SND1: variants seen among roughly 807,000 people sequenced by gnomAD.
SND1 encodes staphylococcal nuclease domain-containing protein 1.
A neutral mutation model predicts 121.7 loss-of-function variants in SND1; 38 were observed. The observed-to-expected ratio is 0.31, with a 90% CI of 0.24 to 0.41. The LOEUF (loss-of-function observed/expected upper bound fraction) is 0.41. SND1 is among the 10% of genes least tolerant of loss of function. SND1 has a pLI of 1.00. For synonymous variants in SND1, 401 were observed against 447.4 expected (o/e 0.90, Z 1.31); for missense variants, 868 against 1,184.6 (o/e 0.73, Z 3.92).
intron 12 of SND1, among the ~76,000 whole-genome samples, chr7:127,875,609 G>GCT (rs777979957): frequency 2.0e-5 from 3 of 152,124 alleles, no homozygotes; most frequent in Non-Finnish European, 4.4e-5. Flanking sequence ...TCTAATCATG[G>GCT]CTCTGCCACT....
At chr7:128,025,066 G>GC (rs1803443551) in intron 16 of SND1, among the ~76,000 whole-genome samples, 1 of 152,172 alleles carries the variant, frequency 6.6e-6, no homozygotes, top group South Asian at 2.1e-4. Context: ...GTTTCTGTCT[G>GC]CCATTGGGCC....
At chr7:128,031,267 G>C (rs956794597) in intron 16 of SND1, among the ~76,000 whole-genome samples, 3 of 152,028 alleles carry the variant, frequency 2.0e-5, no homozygotes, top group Admixed American at 6.5e-5. Context: ...TCCAGCCGCG[G>C]GGGAAGGCGC....
At chr7:127,738,828 T>A (rs1796826239) in intron 10 of SND1, among the ~76,000 whole-genome samples, 1 of 152,116 alleles carries the variant, frequency 6.6e-6, no homozygotes, top group Admixed American at 6.6e-5. Flanking sequence ...GGTCACCCTG[T>A]ATGACCCTCC....
At chr7:127,854,585 G>T (rs954239167) in intron 12 of SND1, among the ~76,000 whole-genome samples, 2 of 133,948 alleles carry the variant, frequency 1.5e-5, no homozygotes, top group Non-Finnish European at 3.2e-5. Flanking sequence ...TATTTATTTA[G>T]AATAGTGCCA....
At chr7:127,723,482 A>T (rs1009278067) in intron 10 of SND1, among the ~76,000 whole-genome samples, 1 of 152,140 alleles carries the variant, frequency 6.6e-6, no homozygotes, top group Non-Finnish European at 1.5e-5. Flanking sequence ...TCTACAACAT[A>T]TGGCTTGTGA....
chr7:128,030,136 G>A (rs777776963), intron 16 of SND1: 6 of 1,614,194 alleles, frequency 3.7e-6, no homozygotes, highest in Non-Finnish European at 5.1e-6. Context: ...GAGGGCACCC[G>A]GTTGAAGGCG....
At chr7:128,071,440 T>C (rs1793407785) in intron 16 of SND1, among the ~76,000 whole-genome samples, 1 of 152,246 alleles carries the variant, frequency 6.6e-6, no homozygotes, top group South Asian at 2.1e-4. Context: ...TCTCTGTGTC[T>C]ATCTTTTAAT....
intron 12 of SND1, among the ~76,000 whole-genome samples, chr7:127,852,456 C>T (rs1243504287): frequency 6.7e-6 from 1 of 149,514 alleles, no homozygotes; most frequent in Non-Finnish European, 1.5e-5. Context: ...CCACTGTACT[C>T]CATCCAGCCT....
chr7:127,710,842 C>T (rs181469769), intron 9 of SND1, among the ~76,000 whole-genome samples: 1 of 152,192 alleles, frequency 6.6e-6, no homozygotes, highest in Non-Finnish European at 1.5e-5. Flanking sequence ...AGTGCTCTTA[C>T]CCAGTTCTTC....
chr7:127,721,565 T>C (rs1012713881), intron 10 of SND1, among the ~76,000 whole-genome samples, 165 bp downstream of exon 10: 1 of 152,244 alleles, frequency 6.6e-6, no homozygotes, highest in African/African-American at 2.4e-5. Context: ...CTGACTACTA[T>C]TGGGCAGGTC....
At chr7:127,912,195 G>T (rs1054377481) in intron 14 of SND1, among the ~76,000 whole-genome samples, 4 of 152,096 alleles carry the variant, frequency 2.6e-5, no homozygotes. Context: ...ATTCAAATTT[G>T]CCAGAACTAC....
intron 17 of SND1, among the ~76,000 whole-genome samples, chr7:128,080,216 C>T (rs1369954088): frequency 6.6e-6 from 1 of 152,244 alleles, no homozygotes; most frequent in East Asian, 1.9e-4. Flanking sequence ...TGCACTCTCC[C>T]ACCCACCCTT....
intron 10 of SND1, among the ~76,000 whole-genome samples, chr7:127,745,992 A>G (rs544885232): frequency 1.7e-3 from 261 of 152,238 alleles, no homozygotes; most frequent in African/African-American, 6.0e-3. Context: ...CTTTGAATCC[A>G]TTTTGGGGTA....
chr7:127,711,502 AT>A (rs1303870413), intron 9 of SND1, among the ~76,000 whole-genome samples: 4 of 152,000 alleles, frequency 2.6e-5, no homozygotes. Context: ...TCTTATCCTT[AT>A]ATATTTTTTT....
At chr7:127,698,850 T>C (rs745623163) in intron 3 of SND1, 25 bp from the exon 4 acceptor site, 3 of 1,609,578 alleles carry the variant, frequency 1.9e-6, no homozygotes, top group Non-Finnish European at 2.6e-6. Flanking sequence ...AATCTTGTTT[T>C]TAAATCCCCC....
rs748759773 is a variant in SND1, at chr7:127,811,191, C to T, written c.1242+3618C>T. Among the ~76,000 whole-genome samples, 153 of 152,268 alleles carry T rather than the reference C, an allele frequency of 1.0e-3. 1 individual carries two copies. Among genetic ancestry groups the T allele is most frequent in the Non-Finnish European group, 1.7e-3 (113 of 68,010 alleles). Reference sequence around the variant, plus strand: ...CTGAACTAACCCAGCTCTTTTTAGGCACTTAGAATTGGGCATTTTTCTTGA... The same window carrying T: ...CTGAACTAACCCAGCTCTTTTTAGGTACTTAGAATTGGGCATTTTTCTTGA... On this transcript the variant is annotated intron_variant, in intron 11 of 23. Transcript: ENST00000354725.
chr7:127,926,760 T>TAG (rs1351666350), intron 14 of SND1, among the ~76,000 whole-genome samples: 58 of 150,644 alleles, frequency 3.9e-4, no homozygotes, highest in African/African-American at 1.3e-3. Context: ...GTTGTTGTTG[T>TAG]TGTTGTACTT....
chr7:127,757,406 G>A (rs1251998567), intron 10 of SND1, among the ~76,000 whole-genome samples: 1 of 152,156 alleles, frequency 6.6e-6, no homozygotes, highest in Admixed American at 6.5e-5. Flanking sequence ...CCTTTTGGTG[G>A]ATGCGCACAT....
chr7:127,867,287 C>A (rs1289292017), intron 12 of SND1, among the ~76,000 whole-genome samples: 1 of 152,132 alleles, frequency 6.6e-6, no homozygotes, highest in East Asian at 1.9e-4. Flanking sequence ...TTTTCTTCTA[C>A]CTTTTCAGTA....
Sources: allele counts gnomAD v4.1 joint callset (sites outside exome capture counted in the v4.1 genomes callset), GRCh38; gene constraint gnomAD v4.1.1; transcripts MANE v1.5; gene names NCBI Gene and HGNC (gene_info 2026-07-23, HGNC 2026-07-21).